The following CNTNAP2 variants were observed in gnomAD, a reference collection of about 807,000 sequenced individuals.
CNTNAP2 encodes contactin associated protein 2, also known as contactin-associated protein-like 2.
Under a neutral mutation model 155.2 loss-of-function variants are expected in CNTNAP2, and 98 were observed. The observed-to-expected ratio is 0.63, with a 90% CI of 0.54 to 0.75. The LOEUF (loss-of-function observed/expected upper bound fraction) is 0.75. Ranked by LOEUF, CNTNAP2 falls within the 30% of genes least tolerant of loss-of-function variation. The pLI, the probability that CNTNAP2 is intolerant of heterozygous loss-of-function variation, is 0.00. For synonymous variants in CNTNAP2, 651 were observed against 631.2 expected (o/e 1.03, Z -0.47); for missense variants, 1,727 against 1,688.1 (o/e 1.02, Z -0.40).
At chr7:147,175,709 G>T (rs1802325927) in intron 8 of CNTNAP2, among the ~76,000 whole-genome samples, 1 of 152,108 alleles carries the variant, frequency 6.6e-6, no homozygotes, top group African/African-American at 2.4e-5. Flanking sequence ...AACTCCCCAT[G>T]ACTTCCTTGA....
intron 1 of CNTNAP2, among the ~76,000 whole-genome samples, chr7:146,310,525 GT>G (rs755248668): frequency 2.0e-5 from 3 of 150,088 alleles, no homozygotes; most frequent in South Asian, 2.1e-4. Context: ...CTATTTTCCT[GT>G]TTTTTTTTCT....
intron 11 of CNTNAP2, among the ~76,000 whole-genome samples, chr7:147,504,638 G>A (rs142922344): frequency 0.016 from 2,339 of 149,620 alleles, 60 homozygotes; most frequent in African/African-American, 0.055. Context: ...GCAGTGACCC[G>A]AGATTGCACC....
At chr7:146,336,336 C>T (rs1004646886) in intron 1 of CNTNAP2, among the ~76,000 whole-genome samples, 31 of 152,120 alleles carry the variant, frequency 2.0e-4, no homozygotes, top group African/African-American at 7.5e-4. Context: ...AATGCTTCCA[C>T]AGAAATACTT....
chr7:147,513,972 G>A (rs1394942936), intron 11 of CNTNAP2, among the ~76,000 whole-genome samples: 3 of 152,106 alleles, frequency 2.0e-5, no homozygotes, highest in African/African-American at 7.2e-5. Context: ...ACCACCACAT[G>A]GTCCTTTCAC....
chr7:146,291,156 T>G (rs1252414485), intron 1 of CNTNAP2, among the ~76,000 whole-genome samples: 1 of 152,188 alleles, frequency 6.6e-6, no homozygotes, highest in East Asian at 1.9e-4. Flanking sequence ...TTAAGATTTT[T>G]CTAAGAAAGA....
At chr7:147,513,765 C>T (rs1799062353) in intron 11 of CNTNAP2, among the ~76,000 whole-genome samples, 1 of 152,236 alleles carries the variant, frequency 6.6e-6, no homozygotes, top group Admixed American at 6.5e-5. Flanking sequence ...CCTGCTCTAT[C>T]TCTACCTCTC....
At chr7:146,753,080 G>A (rs1032645839) in intron 1 of CNTNAP2, among the ~76,000 whole-genome samples, 40 of 152,174 alleles carry the variant, frequency 2.6e-4, no homozygotes, top group African/African-American at 8.2e-4. Flanking sequence ...TTCATCCTGT[G>A]ATTTCATCTT....
chr7:146,188,851 A>G (rs1382888388), intron 1 of CNTNAP2, among the ~76,000 whole-genome samples: 2 of 152,224 alleles, frequency 1.3e-5, no homozygotes, highest in Non-Finnish European at 2.9e-5. Context: ...GGCTATTTCT[A>G]GGCCATATGA....
At chr7:148,001,833 G>C (rs1343869803) in intron 15 of CNTNAP2, among the ~76,000 whole-genome samples, 1 of 151,968 alleles carries the variant, frequency 6.6e-6, no homozygotes, top group African/African-American at 2.4e-5. Flanking sequence ...ATTTTTTTCA[G>C]GTTGGTACTT....
At chr7:146,954,486 T>A (rs1407831145) in intron 3 of CNTNAP2, among the ~76,000 whole-genome samples, 2 of 151,968 alleles carry the variant, frequency 1.3e-5, no homozygotes. Flanking sequence ...ACGTAAATAT[T>A]CTTACTTCTG....
At chr7:147,337,340 C>G (rs1184056837) in intron 9 of CNTNAP2, among the ~76,000 whole-genome samples, 1 of 152,002 alleles carries the variant, frequency 6.6e-6, no homozygotes, top group Non-Finnish European at 1.5e-5. Context: ...GGTTTTATAC[C>G]CAGGGGCAAT....
intron 1 of CNTNAP2, among the ~76,000 whole-genome samples, chr7:146,446,031 C>A (rs1045712779): frequency 5.3e-5 from 8 of 152,040 alleles, no homozygotes; most frequent in Non-Finnish European, 2.9e-5. Flanking sequence ...AAAGAAGAAT[C>A]ACATTAACTC....
intron 4 of CNTNAP2, among the ~76,000 whole-genome samples, chr7:147,091,968 T>A (rs1470028935): frequency 1.3e-5 from 2 of 151,928 alleles, no homozygotes; most frequent in Non-Finnish European, 2.9e-5. Context: ...GTCGATCTCC[T>A]GACCTCGTGA....
intron 3 of CNTNAP2, among the ~76,000 whole-genome samples, chr7:146,972,620 C>T (rs948249228): frequency 3.3e-5 from 5 of 152,094 alleles, no homozygotes; most frequent in Admixed American, 6.6e-5. Flanking sequence ...ATTAACACTG[C>T]GTCTGCCTTT....
intron 15 of CNTNAP2, among the ~76,000 whole-genome samples, chr7:148,008,558 A>T (rs1047940062): frequency 1.3e-5 from 2 of 152,188 alleles, no homozygotes; most frequent in Non-Finnish European, 2.9e-5. Context: ...GGCTTCCAAG[A>T]TCTTATCCTT....
At chr7:147,873,543 C>G (rs987539909) in intron 13 of CNTNAP2, among the ~76,000 whole-genome samples, 1 of 152,154 alleles carries the variant, frequency 6.6e-6, no homozygotes, top group South Asian at 2.1e-4. Flanking sequence ...AAAAACCCAC[C>G]CCCATGATTT....
At chr7:146,969,793 T>C (rs1258766440) in intron 3 of CNTNAP2, among the ~76,000 whole-genome samples, 2 of 152,136 alleles carry the variant, frequency 1.3e-5, no homozygotes, top group African/African-American at 4.8e-5. Flanking sequence ...GGTATCACGC[T>C]ACCTGACTTC....
intron 10 of CNTNAP2, among the ~76,000 whole-genome samples, chr7:147,469,841 G>A (rs376218816): frequency 3.9e-5 from 6 of 152,074 alleles, no homozygotes; most frequent in African/African-American, 9.7e-5. Context: ...TAAACAGAGC[G>A]ATTAGAGCAG....
At chr7:148,132,035 A>G (rs1804841749) in intron 16 of CNTNAP2, among the ~76,000 whole-genome samples, 1 of 152,228 alleles carries the variant, frequency 6.6e-6, no homozygotes, top group Non-Finnish European at 1.5e-5. Context: ...ACCATGAAAG[A>G]AAATACTGGC....
Sources: gnomAD v4.1 joint callset for allele counts (sites outside exome capture counted in the v4.1 genomes callset) on GRCh38, gnomAD v4.1.1 for gene constraint, MANE v1.5 for transcripts, NCBI Gene and HGNC (gene_info 2026-07-23, HGNC 2026-07-21) for gene names.